Variants in AR observed in about 807,000 individuals in gnomAD.
AR encodes the protein androgen receptor, also known as dihydrotestosterone receptor.
Under a neutral mutation model 53.9 loss-of-function variants are expected in AR, and 8 were observed. The observed-to-expected ratio is 0.15, with a 90% CI of 0.09 to 0.27. The LOEUF (loss-of-function observed/expected upper bound fraction) is 0.27. AR is among the 10% of genes least tolerant of loss of function. The probability of loss-of-function intolerance (pLI) is 1.00; values close to 1 mark genes in which losing one functional copy is unlikely to be tolerated. For synonymous variants in AR, 359 were observed against 316.4 expected, an observed-to-expected ratio of 1.13 and a Z score of -1.43; for missense variants, 639 against 742.5, an observed-to-expected ratio of 0.86 and a Z score of 1.62.
At chrX:67,603,438 T>A (rs771317257) in intron 1 of AR, among the ~76,000 whole-genome samples, 2 of 111,705 alleles carry the variant, frequency 1.8e-5, no homozygotes, top group Non-Finnish European at 3.8e-5. Flanking sequence ...CAGAGGAGAT[T>A]GTCTGTGAAC....
At chrX:67,595,370 A>T (rs762237137) in intron 1 of AR, among the ~76,000 whole-genome samples, 98 of 111,253 alleles carry the variant, frequency 8.8e-4, no homozygotes, top group Admixed American at 1.6e-3. Flanking sequence ...TCTTAAAAAA[A>T]AAACTTTTTA....
In AR at chrX:67,609,688, T is replaced by C. The variant is rs1233055234; in HGVS notation, c.1617-33568T>C. On this transcript the variant is annotated intron_variant, in intron 1 of 7. Transcript: ENST00000374690. ...CCATTTATACTATGATTTCTTAGTG[T>C]CTTCCCTGGCAATTTTAATGAAGAC... Among the ~76,000 whole-genome samples the C allele has an allele frequency of 4.5e-5, 5 of 111,377 alleles. No individual in the cohort carries two copies. In the Admixed American group the frequency reaches 4.8e-4, roughly 11 times the overall value.
intron 3 of AR, among the ~76,000 whole-genome samples, chrX:67,705,284 A>G (rs1414131853): frequency 9.0e-6 from 1 of 111,104 alleles, no homozygotes; most frequent in Non-Finnish European, 1.9e-5. Flanking sequence ...ATGAGCATGG[A>G]ATGTTCTTCC....
In AR at chrX:67,724,481, C is replaced by T. The variant is rs1235824561; in HGVS notation, c.*640C>T. The T allele has an allele frequency of 1.2e-5, 2 of 173,233 alleles. No individual in the cohort carries two copies. Among genetic ancestry groups the T allele is most frequent in the South Asian group, 6.4e-4 (2 of 3,136 alleles). The allele number at this position is 173,233 out of a possible 1,213,427, so 14.3% of individuals were successfully genotyped here. ...GGAGTTACTGATTTTTTCATCTCCT[C>T]CCTCCACGGGAGACTTTATTTTCTG... is the stretch of plus-strand genomic sequence containing the variant. On this transcript the variant is annotated 3_prime_UTR_variant, in exon 8 of 8. Transcript: ENST00000374690.
intron 4 of AR, 92 bp downstream of exon 4, chrX:67,711,781 C>G: frequency 1.1e-6 from 1 of 933,086 alleles, no homozygotes; most frequent in Non-Finnish European, 1.5e-6. Context: ...TGCTTTTCTG[C>G]CCATTAACTC....
At position 67,726,904 on chromosome X, in the gene AR, A is replaced by G. The variant is rs967526527; in HGVS notation, c.*3063A>G. 1 of 173,773 alleles carries G rather than the reference A, an allele frequency of 5.8e-6. No homozygotes were observed. Among genetic ancestry groups the G allele is most frequent in the African/African-American group, 2.9e-5 (1 of 34,051 alleles). The allele number at this position is 173,773 out of a possible 1,213,427, so 14.3% of individuals were successfully genotyped here. Reference sequence around the variant, plus strand: ...TTAGCTGGTGAGCTAGAAGATGAGGATCACTCACTGGAAAAGTCACAAGGA... The same window carrying G: ...TTAGCTGGTGAGCTAGAAGATGAGGGTCACTCACTGGAAAAGTCACAAGGA... On this transcript the variant is annotated 3_prime_UTR_variant, in exon 8 of 8. Transcript: ENST00000374690.
intron 2 of AR, among the ~76,000 whole-genome samples, chrX:67,659,261 C>G (rs1360604779): frequency 1.8e-5 from 2 of 110,068 alleles, no homozygotes; most frequent in East Asian, 2.9e-4. Context: ...TACATGTGCA[C>G]AACATGCAGG....
chrX:67,569,073 G>A (rs1241102901), intron 1 of AR: 1 of 1,170,655 alleles, frequency 8.5e-7, no homozygotes, highest in Admixed American at 2.2e-5. Context: ...AGGGTAGTGA[G>A]TGTTGTAAGG....
intron 1 of AR, among the ~76,000 whole-genome samples, chrX:67,606,884 G>A (rs948278423): frequency 4.5e-5 from 5 of 112,224 alleles, no homozygotes; most frequent in Admixed American, 3.7e-4. Context: ...GAAAAAGGAT[G>A]GGCAGAATGT....
chrX:67,707,573 T>C (rs1189392319), intron 3 of AR, among the ~76,000 whole-genome samples: 1 of 111,703 alleles, frequency 9.0e-6, no homozygotes, highest in African/African-American at 3.3e-5. Context: ...AGCACACTGA[T>C]GGGTCTTGAC....
At chrX:67,607,613 A>G (rs1188507500) in intron 1 of AR, among the ~76,000 whole-genome samples, 1 of 112,375 alleles carries the variant, frequency 8.9e-6, no homozygotes, top group Non-Finnish European at 1.9e-5. Context: ...TCACAGGGTT[A>G]TTGTGAGCAT....
chrX:67,654,383 A>G (rs747231488), intron 2 of AR, among the ~76,000 whole-genome samples: 1 of 111,218 alleles, frequency 9.0e-6, no homozygotes, highest in South Asian at 3.8e-4. Context: ...ACTTCTCTTT[A>G]GAGTTACTTA....
intron 2 of AR, among the ~76,000 whole-genome samples, chrX:67,646,397 A>G (rs1021785509): frequency 8.1e-5 from 9 of 111,200 alleles, no homozygotes; most frequent in African/African-American, 2.9e-4. Context: ...AAATAATGCT[A>G]CTAAGCCATG....
chrX:67,685,944 T>C, intron 2 of AR, 66 bp from the exon 3 acceptor site: 1 of 1,201,865 alleles, frequency 8.3e-7, no homozygotes. Flanking sequence ...GTTCTAGAAA[T>C]ACCCGAAGAA....
intron 1 of AR, among the ~76,000 whole-genome samples, chrX:67,551,294 C>T (rs1929989150): frequency 9.1e-6 from 1 of 109,921 alleles, no homozygotes; most frequent in Non-Finnish European, 1.9e-5. Context: ...TGCAAGTGTC[C>T]GGCTGGGCTA....
At chrX:67,694,863 C>G in intron 3 of AR, 2 of 1,072,240 alleles carry the variant, frequency 1.9e-6, no homozygotes, top group Non-Finnish European at 2.4e-6. Flanking sequence ...GGGGGCTACT[C>G]TCTTGATTGC....
chrX:67,606,843 G>A (rs1312345504), intron 1 of AR, among the ~76,000 whole-genome samples: 2 of 111,786 alleles, frequency 1.8e-5, no homozygotes, highest in African/African-American at 3.3e-5. Context: ...TCATTCTGGA[G>A]TCTGTTGCCT....
chrX:67,709,256 T>G (rs899518869), intron 3 of AR, among the ~76,000 whole-genome samples: 4 of 112,313 alleles, frequency 3.6e-5, no homozygotes, highest in Non-Finnish European at 5.6e-5. Flanking sequence ...TACAGAGGCA[T>G]GCAGGCCTCC....
chrX:67,632,598 C>G (rs1409976120), intron 1 of AR, among the ~76,000 whole-genome samples: 1 of 112,080 alleles, frequency 8.9e-6, no homozygotes, highest in Non-Finnish European at 1.9e-5. Flanking sequence ...AATCACCCGT[C>G]TTCTGCTTCG....
Sources: gnomAD v4.1 joint callset for allele counts (sites outside exome capture counted in the v4.1 genomes callset) on GRCh38, gnomAD v4.1.1 for gene constraint, MANE v1.5 for transcripts, NCBI Gene and HGNC (gene_info 2026-07-23, HGNC 2026-07-21) for gene names.